The following DMD variants were observed in gnomAD, a reference collection of about 807,000 sequenced individuals.
DMD encodes the protein mutant dystrophin.
A neutral mutation model predicts 330.1 loss-of-function variants in DMD; 63 were observed. That is an observed-to-expected ratio of 0.19 (90% CI 0.16 to 0.24). The LOEUF is 0.24. Among genes scored for constraint, DMD ranks in the 10% least tolerant of loss-of-function variants. The pLI is 1.00. For synonymous variants in DMD, 1,223 were observed against 959.8 expected (o/e 1.27, Z -5.07); for missense variants, 3,344 against 2,684.1 (o/e 1.25, Z -5.43).
chrX:31,753,050 A>T (rs1403020743), intron 51 of DMD, among the ~76,000 whole-genome samples: 1 of 111,777 alleles, frequency 8.9e-6, no homozygotes, highest in Non-Finnish European at 1.9e-5. Flanking sequence ...AACAACATCA[A>T]ATTAAATCTT....
intron 44 of DMD, among the ~76,000 whole-genome samples, chrX:32,113,491 A>G (rs1452045027): frequency 8.9e-6 from 1 of 112,085 alleles, no homozygotes; most frequent in Non-Finnish European, 1.9e-5. Context: ...TACAGCAAAC[A>G]CAGGTGACTT....
intron 45 of DMD, among the ~76,000 whole-genome samples, chrX:31,963,580 C>T (rs1470523238): frequency 1.8e-5 from 2 of 110,675 alleles, no homozygotes; most frequent in South Asian, 3.8e-4. Flanking sequence ...CCCAGATGTA[C>T]GTTTCTACGT....
chrX:32,520,867 C>T (rs75579369), intron 17 of DMD, among the ~76,000 whole-genome samples: 1 of 100,872 alleles, frequency 9.9e-6, no homozygotes, highest in Admixed American at 1.1e-4. Flanking sequence ...TTTTTTTTCC[C>T]AAGTTGGGCT....
At chrX:31,852,278 G>C (rs2093541452) in intron 48 of DMD, among the ~76,000 whole-genome samples, 2 of 111,911 alleles carry the variant, frequency 1.8e-5, no homozygotes, top group South Asian at 3.7e-4. Context: ...GATTCTTAAG[G>C]GGGTACAATC....
At chrX:32,976,153 G>T (rs1031295458) in intron 2 of DMD, among the ~76,000 whole-genome samples, 1 of 110,059 alleles carries the variant, frequency 9.1e-6, no homozygotes, top group Non-Finnish European at 1.9e-5. Flanking sequence ...GCTGGGAGGC[G>T]GAGGTTGCAG....
At chrX:32,334,451 T>C (rs1423049785) in intron 41 of DMD, among the ~76,000 whole-genome samples, 1 of 111,898 alleles carries the variant, frequency 8.9e-6, no homozygotes, top group Non-Finnish European at 1.9e-5. Flanking sequence ...GCAAAGACAA[T>C]ATATTTCCCC....
chrX:31,344,654 G>C (rs1481668661), intron 61 of DMD, among the ~76,000 whole-genome samples: 3 of 110,204 alleles, frequency 2.7e-5, no homozygotes, highest in African/African-American at 9.9e-5. Context: ...TTCGAGACCA[G>C]CCTGGCCAAC....
At position 32,959,450 on chromosome X, in the gene DMD, C is replaced by A. The variant is rs771048677; in HGVS notation, c.93+60689G>T. ...TTGTTCATTGTCTTGAGGATTTTAT[C>A]ATTTACCTGTAAACTAAACTGAATT... On this transcript the variant is annotated intron_variant, in intron 2 of 78. Coordinates refer to ENST00000357033, the MANE Select transcript of DMD (RefSeq NM_004006.3). Among the ~76,000 whole-genome samples the A allele has an allele frequency of 1.1e-4, 12 of 111,669 alleles. No individual in the cohort carries two copies. The East Asian group carries it at 3.1e-3, about 29-fold the overall frequency.
chrX:32,855,687 T>TC (rs749954502), intron 2 of DMD, among the ~76,000 whole-genome samples: 1 of 112,002 alleles, frequency 8.9e-6, no homozygotes, highest in Non-Finnish European at 1.9e-5. Context: ...AAGACTTAAA[T>TC]CTAAGGCCTC....
intron 50 of DMD, among the ~76,000 whole-genome samples, chrX:31,792,134 C>T (rs2091599518): frequency 8.9e-6 from 1 of 111,788 alleles, no homozygotes; most frequent in East Asian, 2.8e-4. Flanking sequence ...GGAGGCCTTC[C>T]TTACATGTTA....
chrX:31,465,195 G>C, intron 59 of DMD, among the ~76,000 whole-genome samples: 1 of 111,328 alleles, frequency 9.0e-6, no homozygotes, highest in African/African-American at 3.3e-5. Flanking sequence ...TAAATAATTT[G>C]GTCAGGATTT....
chrX:31,176,075 C>T (rs1452042570), intron 71 of DMD, among the ~76,000 whole-genome samples: 1 of 111,251 alleles, frequency 9.0e-6, no homozygotes. Flanking sequence ...AAATGAAACA[C>T]GTTAGGACCT....
intron 50 of DMD, among the ~76,000 whole-genome samples, chrX:31,789,642 T>C (rs2091476197): frequency 9.0e-6 from 1 of 111,621 alleles, no homozygotes; most frequent in Non-Finnish European, 1.9e-5. Flanking sequence ...TCCTTAAAAA[T>C]GATGTTTCTT....
At chrX:33,333,115 G>A (rs1207434332) in intron 1 of DMD, among the ~76,000 whole-genome samples, 1 of 110,908 alleles carries the variant, frequency 9.0e-6, no homozygotes, top group Non-Finnish European at 1.9e-5. Flanking sequence ...CAGGCAAGAA[G>A]CAATCTTTTC....
rs142495423 is a variant in DMD at position 32,129,706 on chromosome X, GGAGA to G, written c.6438+87206_6438+87209del. 4.2e-3 allele frequency among the ~76,000 whole-genome samples: 348 copies of G among 83,538 alleles called. 2 individuals carry two copies. Among genetic ancestry groups the G allele is most frequent in the East Asian group, 0.017 (41 of 2,451 alleles). The allele number at this position is 83,538 out of a possible 115,157, so 72.5% of individuals were successfully genotyped here. A position where few individuals can be genotyped will look rare whatever the true frequency, so the allele number is the denominator to read the frequency against. ...TATACATCTATATATATATAGATAT[GGAGA>G]GAGAGAGAGAGAGGGAGGGAGAGAG... is the stretch of plus-strand genomic sequence containing the variant. On this transcript the variant is annotated intron_variant, in intron 44 of 78. Coordinates refer to ENST00000357033, the MANE Select transcript of DMD (RefSeq NM_004006.3).
intron 76 of DMD, among the ~76,000 whole-genome samples, chrX:31,143,521 A>C (rs759595490): frequency 1.8e-5 from 2 of 112,083 alleles, no homozygotes; most frequent in African/African-American, 6.5e-5. Flanking sequence ...TACACAGTTC[A>C]AGAAAAAGTA....
intron 2 of DMD, among the ~76,000 whole-genome samples, chrX:32,864,191 A>C (rs772864882): frequency 6.1e-4 from 68 of 111,590 alleles, no homozygotes; most frequent in African/African-American, 2.2e-3. Context: ...GGTTTATGTC[A>C]GCGCTACTTC....
At chrX:31,891,873 T>C (rs1734359105) in intron 47 of DMD, among the ~76,000 whole-genome samples, 1 of 112,049 alleles carries the variant, frequency 8.9e-6, no homozygotes, top group African/African-American at 3.2e-5. Flanking sequence ...AGTTGGTGAG[T>C]GCAGTACAGG....
intron 1 of DMD, among the ~76,000 whole-genome samples, chrX:33,205,059 A>G (rs1175042552): frequency 8.9e-6 from 1 of 111,995 alleles, no homozygotes; most frequent in Admixed American, 9.5e-5. Flanking sequence ...TTCAGCGTCT[A>G]CTAAATCAGG....
Sources: gnomAD v4.1 joint callset for allele counts (sites outside exome capture counted in the v4.1 genomes callset) on GRCh38, gnomAD v4.1.1 for gene constraint, MANE v1.5 for transcripts, NCBI Gene and HGNC (gene_info 2026-07-23, HGNC 2026-07-21) for gene names.